Variants in DOCK9 observed in about 807,000 individuals in gnomAD.
DOCK9 encodes dedicator of cytokinesis 9, also known as dedicator of cytokinesis protein 9.
Under a neutral mutation model 263.3 loss-of-function variants are expected in DOCK9, and 89 were observed. That is an observed-to-expected ratio of 0.34 (90% CI 0.28 to 0.40). The LOEUF is 0.40. Among genes scored for constraint, DOCK9 ranks in the 10% least tolerant of loss-of-function variants. The pLI is 1.00. For missense variants in DOCK9, 2,140 were observed against 2,603.4 expected (o/e 0.82, Z 3.87); for synonymous variants, 976 against 973.1 (o/e 1.00, Z -0.06).
At position 98,809,382 on chromosome 13, in the gene DOCK9, C is replaced by T. The variant is rs1213257764; in HGVS notation, c.5337G>A (p.Gly1779=). 1 of 1,613,688 alleles carries T rather than the reference C, an allele frequency of 6.2e-7. No homozygotes were observed. The highest frequency in any genetic ancestry group is 1.3e-5 in the African/African-American group (1 of 74,934). The change falls in exon 47 of 53, where the codon GGG becomes GGA. Residue 1779 remains glycine (G), a synonymous_variant. Coordinates refer to ENST00000682017, the MANE Select transcript of DOCK9 (RefSeq NM_001366683.2). Reference sequence around the variant, plus strand: ...CGAAGAAGGCTACCCGGAAGTAGGTCCCCAGAAGCCTGCGGCCCGAGTGCA... The same window carrying T: ...CGAAGAAGGCTACCCGGAAGTAGGTTCCCAGAAGCCTGCGGCCCGAGTGCA... The part of the protein sequence containing the change: ...EVMHSGRRLL[G]TYFRVAFFGQ...
chr13:98,954,873 C>CAT (rs1393338363), intron 2 of DOCK9, among the ~76,000 whole-genome samples: 1 of 151,608 alleles, frequency 6.6e-6, no homozygotes, highest in Non-Finnish European at 1.5e-5. Context: ...TACACACACA[C>CAT]ACACACACAC....
Position 98,805,210 on chromosome 13 carries a change from C to T in DOCK9, c.5515-1G>A. On this transcript the variant is annotated splice_acceptor_variant, in intron 48 of 52. Transcript: ENST00000682017. LOFTEE classifies it high-confidence loss of function. ...TAGAATCCAGATCCTTAGGGTTGAC[C>T]TTTAATTGAAACAGCACAATGGGAG... 6.3e-7 allele frequency: 1 copy of T among 1,588,864 alleles called. No homozygotes were observed. Among genetic ancestry groups the T allele is most frequent in the Non-Finnish European group, 8.6e-7 (1 of 1,165,842 alleles).
intron 9 of DOCK9, among the ~76,000 whole-genome samples, chr13:98,908,311 A>G (rs1263285256): frequency 6.6e-6 from 1 of 152,200 alleles, no homozygotes; most frequent in Non-Finnish European, 1.5e-5. Flanking sequence ...TTGGGACGGT[A>G]ACCTGGCAAT....
At chr13:98,897,217 C>T (rs1233321129) in intron 15 of DOCK9, among the ~76,000 whole-genome samples, 3 of 152,184 alleles carry the variant, frequency 2.0e-5, no homozygotes, top group African/African-American at 7.2e-5. Flanking sequence ...CAAGGTTCCT[C>T]AACTGTTTCC....
In DOCK9 at chr13:98,833,168, T is replaced by C. The variant is rs151070476; in HGVS notation, c.4315-1382A>G. On this transcript the variant is annotated intron_variant, in intron 39 of 52. Coordinates refer to ENST00000682017, the MANE Select transcript of DOCK9 (RefSeq NM_001366683.2). ...ATGAATATGATCTAATTCTCAACCA[T>C]GAGAATTAGTTCTCAACCATGATCT... 30 of 143,866 alleles carry C rather than the reference T, an allele frequency of 2.1e-4. 1 individual carries two copies. In the East Asian group the frequency reaches 4.6e-3, roughly 22 times the overall value. 8.9% of individuals were successfully genotyped at this position (143,866 alleles called of 1,614,324 possible).
At chr13:99,075,302 A>G (rs755009433) in intron 1 of DOCK9, among the ~76,000 whole-genome samples, 5 of 151,562 alleles carry the variant, frequency 3.3e-5, no homozygotes, top group African/African-American at 1.2e-4. Context: ...TAATCTGCAT[A>G]TAAGTGGACC....
intron 9 of DOCK9, among the ~76,000 whole-genome samples, chr13:98,911,634 C>T (rs1161760554): frequency 6.6e-6 from 1 of 151,602 alleles, no homozygotes; most frequent in Non-Finnish European, 1.5e-5. Flanking sequence ...GTGGCTCATG[C>T]CTGTAATCTC....
At chr13:98,893,836 C>T (rs963413522) in intron 15 of DOCK9, among the ~76,000 whole-genome samples, 1 of 152,154 alleles carries the variant, frequency 6.6e-6, no homozygotes, top group Non-Finnish European at 1.5e-5. Context: ...GAGTGGGCAC[C>T]AAAGTTTCTT....
chr13:99,080,398 T>C (rs1247153643), intron 1 of DOCK9, among the ~76,000 whole-genome samples: 1 of 152,182 alleles, frequency 6.6e-6, no homozygotes, highest in Non-Finnish European at 1.5e-5. Context: ...AGGAAGCATA[T>C]GTTCATGGCT....
At chr13:98,970,107 G>A (rs771745582) in intron 1 of DOCK9, among the ~76,000 whole-genome samples, 4 of 151,812 alleles carry the variant, frequency 2.6e-5, no homozygotes, top group Admixed American at 6.6e-5. Context: ...CAATCTTCCC[G>A]CCTCATCTTC....
At chr13:98,816,603 G>A (rs1039311911) in intron 45 of DOCK9, among the ~76,000 whole-genome samples, 3 of 151,936 alleles carry the variant, frequency 2.0e-5, no homozygotes, top group Non-Finnish European at 2.9e-5. Flanking sequence ...CACGAATAAC[G>A]AAATGTGCAG....
At chr13:98,820,624 T>C (rs1439537558) in intron 45 of DOCK9, 1 of 387,672 alleles carries the variant, frequency 2.6e-6, no homozygotes, top group South Asian at 1.9e-5. Context: ...TATGGGGAGA[T>C]GTGCTCTGCT....
rs2052156028 is a variant in DOCK9 at position 98,922,257 on chromosome 13, C to G, written c.487-111G>C. 12 of 720,832 alleles carry G rather than the reference C, an allele frequency of 1.7e-5. No homozygotes were observed. The East Asian group carries it at 3.3e-4, about 20-fold the overall frequency. The allele number at this position is 720,832 out of a possible 1,614,324, so 44.7% of individuals were successfully genotyped here. On this transcript the variant is annotated intron_variant, in intron 5 of 52. Coordinates refer to ENST00000682017, the MANE Select transcript of DOCK9 (RefSeq NM_001366683.2). ...CCCTTTGTGCCAAGTTGTCCATTGC[C>G]CCTTTACTGAAGCACCCATTGACAC... is the stretch of plus-strand genomic sequence containing the variant.
intron 20 of DOCK9, 139 bp downstream of exon 20, chr13:98,885,569 A>C: frequency 1.1e-6 from 1 of 907,730 alleles, no homozygotes; most frequent in Non-Finnish European, 1.6e-6. Context: ...TATGCAACCC[A>C]GACATGCTAC....
At chr13:98,929,017 T>C in intron 3 of DOCK9, among the ~76,000 whole-genome samples, 1 of 152,178 alleles carries the variant, frequency 6.6e-6, no homozygotes, top group South Asian at 2.1e-4. Context: ...TTGGTCTTTA[T>C]AAGAGTATTT....
Position 98,881,582 on chromosome 13 carries a change from C to T in DOCK9, c.2721G>A (p.Glu907=), listed in dbSNP as rs372152944. The T allele has an allele frequency of 3.8e-5, 61 of 1,608,908 alleles. No individual in the cohort carries two copies. The African/African-American group carries it at 7.6e-4, about 20-fold the overall frequency. The change falls in exon 25 of 53, where the codon GAG becomes GAA. Residue 907 remains glutamate (E), a synonymous_variant. Coordinates refer to ENST00000682017, the MANE Select transcript of DOCK9 (RefSeq NM_001366683.2). ...VVAQCHEEGL[E]SHLRSYVKYA... ...CCTTAACATATGACCTCAAGTGGCT[C>T]TCCAATCCTTCCTCATGGCACTGGG...
chr13:99,020,569 C>T (rs767856427), intron 1 of DOCK9, among the ~76,000 whole-genome samples: 1 of 152,224 alleles, frequency 6.6e-6, no homozygotes, highest in Non-Finnish European at 1.5e-5. Flanking sequence ...TAAGCATCTG[C>T]AGCTGCTGTT....
rs1940161432 is a variant in DOCK9, at chr13:98,794,127, C to T, written c.*499G>A. On this transcript the variant is annotated 3_prime_UTR_variant, in exon 53 of 53. Coordinates refer to ENST00000682017, the MANE Select transcript of DOCK9 (RefSeq NM_001366683.2). ...TCCTGGTTCACTGGTACAAAAATTA[C>T]AATGGTCAGTTCCCTTAGGTCATCA... The T allele has an allele frequency of 6.5e-6, 1 of 152,802 alleles. No homozygotes were observed. The highest frequency in any genetic ancestry group is 2.4e-5 in the African/African-American group (1 of 41,414). 9.5% of individuals were successfully genotyped at this position (152,802 alleles called of 1,614,324 possible). A position where few individuals can be genotyped will look rare whatever the true frequency, so the allele number is the denominator to read the frequency against.
At chr13:98,880,865 T>C (rs1172455483) in intron 25 of DOCK9, among the ~76,000 whole-genome samples, 193 bp from the exon 26 acceptor site, 1 of 152,142 alleles carries the variant, frequency 6.6e-6, no homozygotes, top group Non-Finnish European at 1.5e-5. Flanking sequence ...CAAGAAAATA[T>C]GTGAGTCATC....
Sources: gnomAD v4.1 joint callset for allele counts (sites outside exome capture counted in the v4.1 genomes callset) on GRCh38, gnomAD v4.1.1 for gene constraint, MANE v1.5 for transcripts, NCBI Gene and HGNC (gene_info 2026-07-23, HGNC 2026-07-21) for gene names.